Variants in MAP4K2 observed in about 807,000 individuals in gnomAD.
MAP4K2 encodes mitogen-activated protein kinase kinase kinase kinase 2.
A neutral mutation model predicts 125.3 loss-of-function variants in MAP4K2; 85 were observed. The observed-to-expected ratio is 0.68, with a 90% CI of 0.57 to 0.81. The LOEUF is 0.81. MAP4K2 is among the 40% of genes least tolerant of loss of function. The probability of loss-of-function intolerance (pLI) is 0.00; values close to 1 mark genes in which losing one functional copy is unlikely to be tolerated. For synonymous variants in MAP4K2, 479 were observed against 445.1 expected (o/e 1.08, Z -0.96); for missense variants, 923 against 1,056.4 (o/e 0.87, Z 1.75).
Position 64,787,456 on chromosome 11 carries a change from C to T in MAP4K2, c.*2081G>A, listed in dbSNP as rs1215926352. 1.3e-5 allele frequency: 2 copies of T among 152,134 alleles called. No individual in the cohort carries two copies. Among genetic ancestry groups the T allele is most frequent in the Admixed American group, 6.5e-5 (1 of 15,268 alleles). The allele number at this position is 152,134 out of a possible 1,614,324, so 9.4% of individuals were successfully genotyped here. On this transcript the variant is annotated 3_prime_UTR_variant, in exon 32 of 32. Transcript: ENST00000294066. ...TACGCAAAATACTTCTAGAAGGGTT[C>T]ATAAGTAACTGAGACCAGGGTGGCT... is the stretch of plus-strand genomic sequence containing the variant.
Position 64,797,356 on chromosome 11 carries a change from T to C in MAP4K2, c.1195A>G (p.Met399Val). The C allele has an allele frequency of 1.3e-6, 2 of 1,593,278 alleles. No individual in the cohort carries two copies. Among genetic ancestry groups the C allele is most frequent in the Non-Finnish European group, 8.5e-7 (1 of 1,169,874 alleles). The change falls in exon 18 of 32, where the codon ATG (methionine) becomes GTG (valine). Residue 399 changes from methionine to valine, a missense_variant. Physicochemically the swap from Met to Val is conservative, Grantham distance 21. This residue lies in a region of MAP4K2 where 833 missense variants were observed against 911.4 expected (regional missense o/e 0.91). Transcript: ENST00000294066. ...FQELDSPDDTMGTIKRAPFLG... is the reference protein window; with the variant it reads ...FQELDSPDDTVGTIKRAPFLG... ...AACGGGGCCCGCTTGATGGTTCCCA[T>C]GGTATCGTCTGGGGAGTCCAGCTCC...
rs1289598640 is a variant in MAP4K2, at chr11:64,789,089, CG to C, written c.*447del. On this transcript the variant is annotated 3_prime_UTR_variant, in exon 32 of 32. Transcript: ENST00000294066. ...GAAACGTGTGTTGGAGGGAAGGAGG[CG>C]GGAGATGAGGTGGGTTCACTCCCCC... 5.7e-6 allele frequency: 1 copy of C among 174,476 alleles called. No individual in the cohort carries two copies. Among genetic ancestry groups the C allele is most frequent in the African/African-American group, 2.4e-5 (1 of 41,690 alleles). 10.8% of individuals were successfully genotyped at this position (174,476 alleles called of 1,614,324 possible).
chr11:64,793,521 A>T (rs1239465536), intron 24 of MAP4K2, among the ~76,000 whole-genome samples: 1 of 151,772 alleles, frequency 6.6e-6, no homozygotes, highest in East Asian at 1.9e-4. Flanking sequence ...CCTCCAGGGG[A>T]CCCTCTCAGC....
chr11:64,799,729 A>G, intron 12 of MAP4K2, 46 bp from the exon 13 acceptor site: 1 of 1,518,992 alleles, frequency 6.6e-7, no homozygotes, highest in Non-Finnish European at 9.1e-7. Flanking sequence ...CACGCGCCTC[A>G]TGCCGGGGCT....
Position 64,791,911 on chromosome 11 carries a change from G to A in MAP4K2, c.2090C>T (p.Pro697Leu). ...AGCAGCCTGGCCCTTCTGCTCACCAGGTGGGATGAGGATGTCGGGCGTCAG... is the reference window on the plus strand; with the variant it reads ...AGCAGCCTGGCCCTTCTGCTCACCAAGTGGGATGAGGATGTCGGGCGTCAG... ...AGLTPDILIPPEGIPGSAQQV... is the reference protein window; with the variant it reads ...AGLTPDILIPLEGIPGSAQQV... Residue 697 changes from proline to leucine, a missense_variant and splice_region_variant, in exon 27 of 32, where the codon CCT becomes CTT. Transcript: ENST00000294066. 1 of 1,584,456 alleles carries A rather than the reference G, an allele frequency of 6.3e-7. No homozygotes were observed. The highest frequency in any genetic ancestry group is 1.1e-5 in the South Asian group (1 of 87,344).
chr11:64,800,400 G>A lies in MAP4K2; in HGVS notation c.726-8C>T. 6.2e-7 allele frequency: 1 copy of A among 1,613,752 alleles called. No individual in the cohort carries two copies. The highest frequency in any genetic ancestry group is 1.1e-5 in the South Asian group (1 of 91,082). On this transcript the variant is annotated splice_region_variant and splice_polypyrimidine_tract_variant and intron_variant, in intron 10 of 31. Coordinates refer to ENST00000294066, the MANE Select transcript of MAP4K2 (RefSeq NM_004579.5). Reference sequence around the variant, plus strand: ...TGGTGGAAATTCTGGGTCCTAGAAGGCACAAGAGCCCCCCAGCGCCAGATC... The same window carrying A: ...TGGTGGAAATTCTGGGTCCTAGAAGACACAAGAGCCCCCCAGCGCCAGATC...
chr11:64,796,410 C>T lies in MAP4K2; in HGVS notation c.1634-20G>A, dbSNP rs752079630. On this transcript the variant is annotated intron_variant, in intron 23 of 31. Coordinates refer to ENST00000294066, the MANE Select transcript of MAP4K2 (RefSeq NM_004579.5). ...ATTTCCCTGCAGAAACAGGAAGAGG[C>T]CAGGCCTGGGGTGTTGGTGGGCAGG... The T allele has an allele frequency of 6.2e-7, 1 of 1,613,006 alleles. No individual in the cohort carries two copies. The highest frequency in any genetic ancestry group is 2.2e-5 in the East Asian group (1 of 44,880).
rs1172688104 is a variant in MAP4K2, at chr11:64,785,214, G to C, written c.*4323C>G. 1 of 152,234 alleles carries C rather than the reference G, an allele frequency of 6.6e-6. No individual in the cohort carries two copies. Among genetic ancestry groups the C allele is most frequent in the Non-Finnish European group, 1.5e-5 (1 of 68,060 alleles). The allele number at this position is 152,234 out of a possible 1,614,324, so 9.4% of individuals were successfully genotyped here. ...AGCAGCACAGTTGTTACTTGGGGATGGGAGGCAAGAAGCAGGAGGGTGGGC... is the reference window on the plus strand; with the variant it reads ...AGCAGCACAGTTGTTACTTGGGGATCGGAGGCAAGAAGCAGGAGGGTGGGC... On this transcript the variant is annotated 3_prime_UTR_variant, in exon 32 of 32. Coordinates refer to ENST00000294066, the MANE Select transcript of MAP4K2 (RefSeq NM_004579.5).
chr11:64,801,842 C>T, intron 5 of MAP4K2, 85 bp from the exon 6 acceptor site: 1 of 1,414,578 alleles, frequency 7.1e-7, no homozygotes, highest in Non-Finnish European at 9.9e-7. Flanking sequence ...GGGCCCCCCA[C>T]TCAGGCTGCT....
At position 64,789,309 on chromosome 11, in the gene MAP4K2, C is replaced by A; in HGVS notation, c.*228G>T. On this transcript the variant is annotated 3_prime_UTR_variant, in exon 32 of 32. Transcript: ENST00000294066. Reference sequence around the variant, plus strand: ...TTGGGCACTAGGGACTGGGCTGCCTCGGGGATGGGGGAGTGACAGCAGCTC... The same window carrying A: ...TTGGGCACTAGGGACTGGGCTGCCTAGGGGATGGGGGAGTGACAGCAGCTC... The A allele has an allele frequency of 1.8e-6, 1 of 566,622 alleles. No individual in the cohort carries two copies. The highest frequency in any genetic ancestry group is 3.0e-5 in the East Asian group (1 of 33,492). 35.1% of individuals were successfully genotyped at this position (566,622 alleles called of 1,614,324 possible). A position where few individuals can be genotyped will look rare whatever the true frequency, so the allele number is the denominator to read the frequency against.
intron 24 of MAP4K2, 106 bp from the exon 25 acceptor site, chr11:64,792,528 G>A (rs1443014893): frequency 1.1e-5 from 10 of 913,734 alleles, no homozygotes; most frequent in African/African-American, 1.0e-4. Flanking sequence ...TTACAAGTAA[G>A]GGACTGAGAC....
chr11:64,802,156 CG>C, intron 4 of MAP4K2, 35 bp from the exon 5 acceptor site: 3 of 1,592,298 alleles, frequency 1.9e-6, no homozygotes, highest in Non-Finnish European at 2.6e-6. Context: ...CTTGGGGGCC[CG>C]GGGGTCATGC....
chr11:64,797,156 G>A lies in MAP4K2; in HGVS notation c.1313C>T (p.Ser438Phe), dbSNP rs1430518710. Residue 438 changes from serine (S) to phenylalanine (F), a missense_variant, in exon 19 of 32, where the codon TCC becomes TTC. Ser to Phe is a radical substitution (Grantham distance 155). Coordinates refer to ENST00000294066, the MANE Select transcript of MAP4K2 (RefSeq NM_004579.5). ...LPPPPSGPNS[S>F]PLLPTAWATM... Reference sequence around the variant, plus strand: ...GGCCCAGGCCGTGGGCAGCAGTGGGGAGCTGTTGGGGCCTGAAGGAGGTGG... The same window carrying A: ...GGCCCAGGCCGTGGGCAGCAGTGGGAAGCTGTTGGGGCCTGAAGGAGGTGG... 6.2e-7 allele frequency: 1 copy of A among 1,614,090 alleles called. No individual in the cohort carries two copies. The highest frequency in any genetic ancestry group is 8.5e-7 in the Non-Finnish European group (1 of 1,180,000).
At chr11:64,801,840 C>A (rs1286994364) in intron 5 of MAP4K2, 83 bp from the exon 6 acceptor site, 2 of 1,440,808 alleles carry the variant, frequency 1.4e-6, no homozygotes, top group Middle Eastern at 1.9e-4. Flanking sequence ...TGGGGCCCCC[C>A]ACTCAGGCTG....
chr11:64,791,567 C>T (rs1940476742), intron 27 of MAP4K2, among the ~76,000 whole-genome samples: 1 of 152,146 alleles, frequency 6.6e-6, no homozygotes, highest in South Asian at 2.1e-4. Context: ...GTCAGGGTCT[C>T]GCCATGTTGT....
Position 64,796,992 on chromosome 11 carries a change from G to A in MAP4K2, c.1397C>T (p.Pro466Leu), listed in dbSNP as rs144357209. ...RSSCHGLPPTPKVHMGACFSK... is the reference protein window; with the variant it reads ...RSSCHGLPPTLKVHMGACFSK... ...GGGGCAAACACTTACATGCACCTTG[G>A]GAGTTGGGGGGAGCCCGTGGCAGGA... The change falls in exon 20 of 32, where the codon CCC (proline) becomes CTC (leucine). Residue 466 changes from proline to leucine, a missense_variant. Physicochemically the swap from Pro to Leu is moderately conservative, Grantham distance 98 (BLOSUM62 -3). This residue lies in a region of MAP4K2 where 833 missense variants were observed against 911.4 expected (regional missense o/e 0.91). Coordinates refer to ENST00000294066, the MANE Select transcript of MAP4K2 (RefSeq NM_004579.5). 33 of 1,613,814 alleles carry A rather than the reference G, an allele frequency of 2.0e-5. No individual in the cohort carries two copies. The highest frequency in any genetic ancestry group is 1.5e-4 in the South Asian group (14 of 91,070).
At position 64,801,148 on chromosome 11, in the gene MAP4K2, C is replaced by A. The variant is rs750908059; in HGVS notation, c.493G>T (p.Val165Leu). ...CCAATGAAAGACCTCCTCTTGGCCACAGACGCTGTCAGCTCGCCTGACACC... is the reference window on the plus strand; with the variant it reads ...CCAATGAAAGACCTCCTCTTGGCCAAAGACGCTGTCAGCTCGCCTGACACC... Reference protein sequence around the residue: ...FGVSGELTASVAKRRSFIGTP... With the variant: ...FGVSGELTASLAKRRSFIGTP... The change falls in exon 8 of 32, where the codon GTG (valine) becomes TTG (leucine). Residue 165 changes from valine (V) to leucine (L), a missense_variant. Physicochemically the swap from Val to Leu is conservative, Grantham distance 32 (BLOSUM62 1). Coordinates refer to ENST00000294066, the MANE Select transcript of MAP4K2 (RefSeq NM_004579.5). The A allele has an allele frequency of 1.9e-6, 3 of 1,613,440 alleles. No homozygotes were observed. Among genetic ancestry groups the A allele is most frequent in the Non-Finnish European group, 2.5e-6 (3 of 1,179,968 alleles).
At chr11:64,802,356 AC>A in intron 4 of MAP4K2, 62 bp downstream of exon 4, 3 of 1,453,108 alleles carry the variant, frequency 2.1e-6, no homozygotes, top group South Asian at 2.6e-5. Flanking sequence ...CCCCTCTGGT[AC>A]CCCAGTGGGG....
intron 13 of MAP4K2, 41 bp from the exon 14 acceptor site, chr11:64,799,520 C>T (rs770380248): frequency 3.2e-5 from 52 of 1,611,602 alleles, no homozygotes; most frequent in Non-Finnish European, 2.3e-5. Context: ...GCTGGAGTCT[C>T]AGGATGGACC....
Sources: gnomAD v4.1 joint callset for allele counts (sites outside exome capture counted in the v4.1 genomes callset) on GRCh38, gnomAD v4.1.1 for gene constraint, gnomAD v4.1.1 regional missense constraint, MANE v1.5 for transcripts, NCBI Gene and HGNC (gene_info 2026-07-23, HGNC 2026-07-21) for gene names.